Variants in ZFPM2 observed in about 807,000 individuals in gnomAD.
The protein encoded by ZFPM2 is zinc finger protein, FOG family member 2.
ZFPM2 carries 20 observed loss-of-function variants against 98.6 expected under a neutral mutation model. The ratio of observed to expected loss-of-function variants is 0.20; its 90% CI spans 0.14 to 0.29. The LOEUF (loss-of-function observed/expected upper bound fraction) is 0.29, where lower values mean the gene tolerates loss of function less well. ZFPM2 is among the 10% of genes least tolerant of loss of function. The probability of loss-of-function intolerance (pLI) is 1.00; values close to 1 mark genes in which losing one functional copy is unlikely to be tolerated. For missense variants in ZFPM2, 1,310 were observed against 1,388.6 expected (o/e 0.94, Z 0.90); for synonymous variants, 518 against 502.7 (o/e 1.03, Z -0.41).
At chr8:105,792,317 A>G (rs1325255436) in intron 6 of ZFPM2, among the ~76,000 whole-genome samples, 1 of 152,198 alleles carries the variant, frequency 6.6e-6, no homozygotes, top group African/African-American at 2.4e-5. Flanking sequence ...TTCAAAGAAC[A>G]TCTTTATTTC....
chr8:105,326,349 C>A (rs577891641), intron 1 of ZFPM2, among the ~76,000 whole-genome samples: 1 of 151,386 alleles, frequency 6.6e-6, no homozygotes, highest in Non-Finnish European at 1.5e-5. Context: ...AAAGTTATGC[C>A]GGAGAGTAAA....
At chr8:105,689,404 T>A (rs1810822910) in intron 5 of ZFPM2, among the ~76,000 whole-genome samples, 1 of 152,196 alleles carries the variant, frequency 6.6e-6, no homozygotes, top group African/African-American at 2.4e-5. Flanking sequence ...ACACTCCAGT[T>A]AAAAGGACTT....
intron 5 of ZFPM2, among the ~76,000 whole-genome samples, chr8:105,733,559 T>C (rs1240365841): frequency 6.6e-6 from 1 of 151,900 alleles, no homozygotes; most frequent in Non-Finnish European, 1.5e-5. Context: ...ACTTTCATAC[T>C]GGTGATTAAC....
chr8:105,524,746 G>A (rs1019862531), intron 3 of ZFPM2, among the ~76,000 whole-genome samples: 7 of 152,076 alleles, frequency 4.6e-5, no homozygotes, highest in Non-Finnish European at 8.8e-5. Context: ...GAGGGTGTAC[G>A]AGTGCCCTTA....
At chr8:105,488,073 C>T (rs1255961574) in intron 3 of ZFPM2, among the ~76,000 whole-genome samples, 1 of 151,764 alleles carries the variant, frequency 6.6e-6, no homozygotes, top group Non-Finnish European at 1.5e-5. Context: ...CCGAGATCCC[C>T]CACCACAACA....
At chr8:105,528,594 G>A (rs1460246166) in intron 3 of ZFPM2, among the ~76,000 whole-genome samples, 2 of 152,124 alleles carry the variant, frequency 1.3e-5, no homozygotes, top group African/African-American at 4.8e-5. Context: ...TGATAAGTAT[G>A]GGGTGGATTA....
chr8:105,475,959 C>T (rs1390606576), intron 3 of ZFPM2, among the ~76,000 whole-genome samples: 2 of 152,118 alleles, frequency 1.3e-5, no homozygotes, highest in Non-Finnish European at 2.9e-5. Flanking sequence ...CAACAGATAG[C>T]CAGAGCTGTA....
chr8:105,671,529 T>C (rs1412011903), intron 5 of ZFPM2, among the ~76,000 whole-genome samples: 3 of 152,184 alleles, frequency 2.0e-5, no homozygotes, highest in African/African-American at 7.2e-5. Context: ...GAAATTTTAA[T>C]TTTTGATTAC....
intron 5 of ZFPM2, among the ~76,000 whole-genome samples, chr8:105,682,113 G>A (rs1215717748): frequency 6.6e-6 from 1 of 152,136 alleles, no homozygotes; most frequent in East Asian, 1.9e-4. Flanking sequence ...AATAATTAAA[G>A]CTACATATCT....
At chr8:105,507,550 T>C (rs1716862012) in intron 3 of ZFPM2, among the ~76,000 whole-genome samples, 2 of 152,226 alleles carry the variant, frequency 1.3e-5, no homozygotes, top group Non-Finnish European at 2.9e-5. Flanking sequence ...GAAATTCAAA[T>C]GTGAAAATAC....
At chr8:105,674,292 C>A (rs895700608) in intron 5 of ZFPM2, among the ~76,000 whole-genome samples, 1 of 152,212 alleles carries the variant, frequency 6.6e-6, no homozygotes, top group Non-Finnish European at 1.5e-5. Flanking sequence ...TATGAAATGG[C>A]CTGCCTGCCT....
intron 1 of ZFPM2, among the ~76,000 whole-genome samples, chr8:105,328,318 A>T (rs1311003205): frequency 6.6e-6 from 1 of 151,846 alleles, no homozygotes; most frequent in Non-Finnish European, 1.5e-5. Context: ...GATTTTAAGA[A>T]AGATCTAAAA....
At chr8:105,350,624 A>G (rs1250378527) in intron 1 of ZFPM2, among the ~76,000 whole-genome samples, 1 of 152,114 alleles carries the variant, frequency 6.6e-6, no homozygotes, top group African/African-American at 2.4e-5. Flanking sequence ...TTGGTAGGCA[A>G]TTGTAATTTT....
intron 3 of ZFPM2, among the ~76,000 whole-genome samples, chr8:105,471,223 G>A (rs1812897537): frequency 6.6e-6 from 1 of 152,076 alleles, no homozygotes; most frequent in African/African-American, 2.4e-5. Context: ...GGACGGAGTT[G>A]GACAGTGATG....
At chr8:105,719,483 C>T (rs544745135) in intron 5 of ZFPM2, among the ~76,000 whole-genome samples, 26 of 151,870 alleles carry the variant, frequency 1.7e-4, no homozygotes, top group Non-Finnish European at 2.8e-4. Flanking sequence ...ACTCTGAATT[C>T]GGAAAGACTT....
chr8:105,544,725 T>C (rs1488661165), intron 3 of ZFPM2, among the ~76,000 whole-genome samples: 1 of 152,164 alleles, frequency 6.6e-6, no homozygotes, highest in African/African-American at 2.4e-5. Flanking sequence ...GCAAAATTAC[T>C]TAAGAAAAGT....
chr8:105,763,048 CTTTA>C (rs1181317036), intron 5 of ZFPM2, among the ~76,000 whole-genome samples: 183 of 144,282 alleles, frequency 1.3e-3, no homozygotes, highest in African/African-American at 4.7e-3. Flanking sequence ...ATCATGATGA[CTTTA>C]TTTCTTTCTT....
At chr8:105,783,370 A>AT (rs1813316684) in intron 5 of ZFPM2, among the ~76,000 whole-genome samples, 2 of 151,766 alleles carry the variant, frequency 1.3e-5, no homozygotes, top group South Asian at 4.2e-4. Context: ...ATGTAACCTC[A>AT]TTTTTTCTCA....
At chr8:105,563,565 G>A (rs946069585) in intron 4 of ZFPM2, among the ~76,000 whole-genome samples, 2 of 152,072 alleles carry the variant, frequency 1.3e-5, no homozygotes, top group Admixed American at 1.3e-4. Context: ...CAAAATGCAG[G>A]CCTCAGTTGA....
Sources: gnomAD v4.1 joint callset for allele counts (sites outside exome capture counted in the v4.1 genomes callset) on GRCh38, gnomAD v4.1.1 for gene constraint, MANE v1.5 for transcripts, NCBI Gene and HGNC (gene_info 2026-07-23, HGNC 2026-07-21) for gene names.